CHM: variants seen among roughly 807,000 people sequenced by gnomAD.
CHM encodes rab proteins geranylgeranyltransferase component A 1.
A neutral mutation model predicts 49.0 loss-of-function variants in CHM; 10 were observed. That is an observed-to-expected ratio of 0.20 (90% CI 0.13 to 0.35). The LOEUF is 0.35. Among genes scored for constraint, CHM ranks in the 10% least tolerant of loss-of-function variants. The pLI, the probability that CHM is intolerant of heterozygous loss-of-function variation, is 1.00. For missense variants in CHM, 455 were observed against 478.4 expected (o/e 0.95, Z 0.46); for synonymous variants, 184 against 167.5 (o/e 1.10, Z -0.76).
At chrX:85,893,425 G>T (rs1925609751) in intron 12 of CHM, among the ~76,000 whole-genome samples, 1 of 111,809 alleles carries the variant, frequency 8.9e-6, no homozygotes, top group Non-Finnish European at 1.9e-5. Context: ...ATTTATACAT[G>T]AAAAAAGTTC....
intron 8 of CHM, among the ~76,000 whole-genome samples, chrX:85,915,514 T>A (rs981381497): frequency 8.9e-6 from 1 of 112,095 alleles, no homozygotes; most frequent in African/African-American, 3.2e-5. Flanking sequence ...TCAAACTATC[T>A]TGTCTGCAGA....
At chrX:85,869,565 C>T (rs955652040) in intron 14 of CHM, among the ~76,000 whole-genome samples, 3 of 111,227 alleles carry the variant, frequency 2.7e-5, no homozygotes, top group African/African-American at 9.8e-5. Context: ...ATGAAACTCC[C>T]ACCTATAGCC....
At chrX:85,913,830 A>T (rs1927280421) in intron 8 of CHM, among the ~76,000 whole-genome samples, 1 of 110,747 alleles carries the variant, frequency 9.0e-6, no homozygotes, top group Admixed American at 9.7e-5. Context: ...GACACAGCCA[A>T]TAAAAGCTTC....
rs569670540 is a variant in CHM at position 86,043,360 on chromosome X, G to C, written c.49+4124C>G. ...GGGCAGTACTCCTTATAATTTCCAT[G>C]TTTATCTTTGCTATCCCTTCTCTTT... On this transcript the variant is annotated intron_variant, in intron 1 of 14. Transcript: ENST00000357749. Among the ~76,000 whole-genome samples the C allele has an allele frequency of 5.5e-5, 6 of 109,901 alleles. No homozygotes were observed. The South Asian group carries it at 2.4e-3, about 43-fold the overall frequency.
chrX:86,033,556 G>A (rs1283444494), intron 1 of CHM, among the ~76,000 whole-genome samples: 2 of 112,140 alleles, frequency 1.8e-5, no homozygotes, highest in Non-Finnish European at 3.8e-5. Flanking sequence ...AGCAATGAAT[G>A]CAAAGGTGAA....
At chrX:85,876,384 A>G (rs778959800) in intron 13 of CHM, among the ~76,000 whole-genome samples, 1 of 112,176 alleles carries the variant, frequency 8.9e-6, no homozygotes, top group East Asian at 2.8e-4. Context: ...TGAATGTCAA[A>G]TAATCAAAAC....
intron 9 of CHM, among the ~76,000 whole-genome samples, chrX:85,905,819 A>G (rs1268966975): frequency 9.0e-6 from 1 of 111,299 alleles, no homozygotes; most frequent in Non-Finnish European, 1.9e-5. Flanking sequence ...AGACAGGGAG[A>G]CAGAGGCCAG....
intron 2 of CHM, among the ~76,000 whole-genome samples, chrX:86,008,879 T>C (rs997003736): frequency 2.1e-4 from 24 of 112,519 alleles, no homozygotes; most frequent in East Asian, 8.3e-4. Flanking sequence ...TTTCAGAACA[T>C]AGTCCTTATT....
At chrX:85,995,260 TA>T (rs55742394) in intron 2 of CHM, among the ~76,000 whole-genome samples, 788 of 46,789 alleles carry the variant, frequency 0.017, 7 homozygotes, top group African/African-American at 0.02. Context: ...CCTTATTACT[TA>T]AAAAAAAAAA....
chrX:85,891,273 A>T (rs1399480878), intron 12 of CHM, among the ~76,000 whole-genome samples: 1 of 112,308 alleles, frequency 8.9e-6, no homozygotes, highest in Non-Finnish European at 1.9e-5. Flanking sequence ...AAATTTGCAT[A>T]AGTAGCAAGG....
chrX:85,914,798 C>T (rs777609233), intron 8 of CHM, among the ~76,000 whole-genome samples: 2 of 111,099 alleles, frequency 1.8e-5, no homozygotes, highest in East Asian at 2.9e-4. Flanking sequence ...TTGCTGGCAG[C>T]CCCTGTTGAA....
intron 2 of CHM, among the ~76,000 whole-genome samples, chrX:86,008,504 T>C (rs1011620752): frequency 8.0e-5 from 9 of 112,040 alleles, no homozygotes; most frequent in African/African-American, 2.9e-4. Context: ...TGTATACATG[T>C]ATTATTTTGC....
intron 2 of CHM, among the ~76,000 whole-genome samples, chrX:86,023,415 G>C (rs1933684736): frequency 9.0e-6 from 1 of 110,721 alleles, no homozygotes; most frequent in Non-Finnish European, 1.9e-5. Context: ...ACCCCTACTA[G>C]TACATCTCAT....
intron 9 of CHM, among the ~76,000 whole-genome samples, chrX:85,901,922 G>C (rs887686289): frequency 9.0e-6 from 1 of 111,478 alleles, no homozygotes; most frequent in Non-Finnish European, 1.9e-5. Context: ...TAGATAAAAG[G>C]ATGAAAATTA....
intron 1 of CHM, among the ~76,000 whole-genome samples, chrX:86,043,787 G>A (rs1226941998): frequency 1.8e-5 from 2 of 108,848 alleles, no homozygotes; most frequent in Non-Finnish European, 1.9e-5. Context: ...GAGTGCAGTG[G>A]TGCCATCTAA....
At chrX:85,946,659 T>C (rs1235688337) in intron 8 of CHM, among the ~76,000 whole-genome samples, 1 of 112,138 alleles carries the variant, frequency 8.9e-6, no homozygotes, top group African/African-American at 3.2e-5. Context: ...ACTGCACAGA[T>C]GGAACCACCA....
At chrX:85,879,675 T>C (rs1303505926) in intron 12 of CHM, among the ~76,000 whole-genome samples, 2 of 111,510 alleles carry the variant, frequency 1.8e-5, no homozygotes, top group Non-Finnish European at 3.8e-5. Context: ...GGAAGTAAAA[T>C]ATTGTAGCCT....
At chrX:85,951,469 A>G (rs1291025148) in intron 8 of CHM, among the ~76,000 whole-genome samples, 3 of 111,988 alleles carry the variant, frequency 2.7e-5, no homozygotes, top group African/African-American at 9.7e-5. Context: ...TAAGCATAAA[A>G]AAAAAAGATT....
chrX:86,021,315 T>TATA (rs1368509647), intron 2 of CHM, among the ~76,000 whole-genome samples: 2 of 107,021 alleles, frequency 1.9e-5, no homozygotes, highest in Admixed American at 1.0e-4. Context: ...GAAGCACTGT[T>TATA]ATAAATCCAT....
Sources: allele counts gnomAD v4.1 joint callset (sites outside exome capture counted in the v4.1 genomes callset), GRCh38; gene constraint gnomAD v4.1.1; transcripts MANE v1.5; gene names NCBI Gene and HGNC (gene_info 2026-07-23, HGNC 2026-07-21).